The following NTM variants were observed in gnomAD, a reference collection of about 807,000 sequenced individuals.
NTM encodes IgLON family member 2.
NTM carries 13 observed loss-of-function variants against 42.1 expected under a neutral mutation model. That is an observed-to-expected ratio of 0.31 (90% CI 0.20 to 0.49). The LOEUF is 0.49. NTM is among the 20% of genes least tolerant of loss of function. The pLI is 0.99. For missense variants in NTM, 373 were observed against 452.8 expected (o/e 0.82, Z 1.60); for synonymous variants, 187 against 179.2 (o/e 1.04, Z -0.35).
At chr11:131,972,042 CAAA>C (rs61627120) in intron 2 of NTM, among the ~76,000 whole-genome samples, 13,258 of 57,754 alleles carry the variant, frequency 0.23, 1,343 homozygotes, top group African/African-American at 0.42. Context: ...GACTCCGTCT[CAAA>C]AAAAAAAAAA....
At chr11:131,446,165 C>A (rs543276252) in intron 1 of NTM, among the ~76,000 whole-genome samples, 1 of 152,312 alleles carries the variant, frequency 6.6e-6, no homozygotes, top group African/African-American at 2.4e-5. Flanking sequence ...TCAGAGATTT[C>A]CCAGCCTTCA....
intron 2 of NTM, among the ~76,000 whole-genome samples, chr11:132,037,336 C>A (rs750057345): frequency 6.6e-6 from 1 of 152,154 alleles, no homozygotes; most frequent in Non-Finnish European, 1.5e-5. Flanking sequence ...GGGGAAGCAG[C>A]CTGAGGCCCT....
intron 1 of NTM, among the ~76,000 whole-genome samples, chr11:131,613,083 C>T (rs1275229636): frequency 6.6e-6 from 1 of 152,250 alleles, no homozygotes; most frequent in Non-Finnish European, 1.5e-5. Flanking sequence ...CCTCCTCATT[C>T]AAGCTTCTCT....
intron 1 of NTM, chr11:131,771,210 T>G (rs912868990): frequency 2.0e-5 from 3 of 152,214 alleles, no homozygotes; most frequent in South Asian, 2.1e-4. Context: ...CATAAAGCTT[T>G]TATCAATTAT....
chr11:132,149,701 C>T (rs1241583126), intron 3 of NTM, among the ~76,000 whole-genome samples: 1 of 152,108 alleles, frequency 6.6e-6, no homozygotes, highest in Non-Finnish European at 1.5e-5. Flanking sequence ...AAGGCGACCA[C>T]ATGGAGCAAG....
chr11:131,802,285 C>T (rs1386519845), intron 1 of NTM, among the ~76,000 whole-genome samples: 4 of 151,710 alleles, frequency 2.6e-5, no homozygotes, highest in African/African-American at 4.8e-5. Context: ...GGATTCCTTT[C>T]TTGTTTCCTT....
chr11:131,761,765 C>T (rs1273020421), intron 1 of NTM, among the ~76,000 whole-genome samples: 3 of 151,630 alleles, frequency 2.0e-5, no homozygotes, highest in Admixed American at 6.6e-5. Flanking sequence ...GCAGAGATAG[C>T]GCCATTGCAC....
chr11:132,042,275 C>T (rs965233524), intron 2 of NTM, among the ~76,000 whole-genome samples: 1 of 152,100 alleles, frequency 6.6e-6, no homozygotes, highest in Non-Finnish European at 1.5e-5. Flanking sequence ...GAGCTGTGCC[C>T]CATGTATCAG....
chr11:131,427,319 G>T (rs577484013), intron 1 of NTM, among the ~76,000 whole-genome samples: 1 of 152,254 alleles, frequency 6.6e-6, no homozygotes, highest in South Asian at 2.1e-4. Flanking sequence ...TGTCTAGTCA[G>T]AATGTCTTTA....
At chr11:131,763,709 C>CTCTTTTTTTTT (rs2084620795) in intron 1 of NTM, among the ~76,000 whole-genome samples, 1 of 71,378 alleles carries the variant, frequency 1.4e-5, no homozygotes, top group African/African-American at 5.6e-5. Context: ...ATCTCTCTCT[C>CTCTTTTTTTTT]TTTTTTTTTT....
At chr11:131,604,208 A>G (rs893340042) in intron 1 of NTM, among the ~76,000 whole-genome samples, 1 of 152,100 alleles carries the variant, frequency 6.6e-6, no homozygotes, top group Non-Finnish European at 1.5e-5. Context: ...GTCTTTTTTT[A>G]CTATAACCTT....
chr11:131,871,757 C>T (rs2047808593), intron 1 of NTM, among the ~76,000 whole-genome samples: 1 of 152,150 alleles, frequency 6.6e-6, no homozygotes, highest in South Asian at 2.1e-4. Context: ...CTGTAGGCCA[C>T]CCTGCCCTGG....
chr11:132,036,102 A>G (rs2076482848), intron 2 of NTM, among the ~76,000 whole-genome samples: 2 of 152,108 alleles, frequency 1.3e-5, no homozygotes, highest in Non-Finnish European at 2.9e-5. Context: ...ATCCTGTTCT[A>G]CTGTGGTCTG....
At chr11:131,839,766 G>T (rs573434110) in intron 1 of NTM, among the ~76,000 whole-genome samples, 1 of 152,356 alleles carries the variant, frequency 6.6e-6, no homozygotes, top group Middle Eastern at 3.4e-3. Flanking sequence ...GCAGTTGTTG[G>T]GAAAACAGTA....
chr11:131,589,520 C>T (rs920172558), intron 1 of NTM, among the ~76,000 whole-genome samples: 1 of 152,202 alleles, frequency 6.6e-6, no homozygotes, highest in African/African-American at 2.4e-5. Flanking sequence ...CAACCCTGTC[C>T]TCTTCTTTCT....
intron 4 of NTM, among the ~76,000 whole-genome samples, chr11:132,287,640 C>A (rs544112791): frequency 6.6e-6 from 1 of 152,292 alleles, no homozygotes; most frequent in Non-Finnish European, 1.5e-5. Flanking sequence ...GAATCAGGGA[C>A]TTTTGACTCT....
intron 1 of NTM, among the ~76,000 whole-genome samples, chr11:131,723,561 ATCTT>A (rs1048029726): frequency 3.0e-4 from 46 of 151,764 alleles, no homozygotes; most frequent in African/African-American, 1.1e-3. Context: ...CCTTCCATCC[ATCTT>A]TCTTTCCTTC....
At chr11:131,567,396 G>T (rs905418930) in intron 1 of NTM, among the ~76,000 whole-genome samples, 2 of 152,052 alleles carry the variant, frequency 1.3e-5, no homozygotes, top group Non-Finnish European at 2.9e-5. Context: ...CTGAGGCAGG[G>T]CAATGGCTTG....
intron 1 of NTM, among the ~76,000 whole-genome samples, chr11:131,827,290 T>C (rs940331214): frequency 3.3e-5 from 5 of 152,208 alleles, no homozygotes; most frequent in African/African-American, 1.2e-4. Context: ...ACTTTGAGCC[T>C]GCACAGTGTG....
Sources: allele counts gnomAD v4.1 joint callset (sites outside exome capture counted in the v4.1 genomes callset), GRCh38; gene constraint gnomAD v4.1.1; transcripts MANE v1.5; gene names NCBI Gene and HGNC (gene_info 2026-07-23, HGNC 2026-07-21).